Variants in MRTFB observed in about 807,000 individuals in gnomAD.
The protein encoded by MRTFB is myocardin related transcription factor B, also known as myocardin-related transcription factor B.
In MRTFB, 29 loss-of-function variants were observed where a neutral mutation model predicts 104.2. The ratio of observed to expected loss-of-function variants is 0.28; its 90% CI spans 0.21 to 0.38. The LOEUF is 0.38. MRTFB is among the 10% of genes least tolerant of loss of function. MRTFB has a pLI of 1.00. For missense variants in MRTFB, 1,270 were observed against 1,341.6 expected, an observed-to-expected ratio of 0.95 and a Z score of 0.83; for synonymous variants, 535 against 519.5, an observed-to-expected ratio of 1.03 and a Z score of -0.41.
At chr16:14,084,199 T>C (rs2034572203) in intron 2 of MRTFB, among the ~76,000 whole-genome samples, 1 of 152,226 alleles carries the variant, frequency 6.6e-6, no homozygotes, top group Admixed American at 6.5e-5. Flanking sequence ...TTTTCCTCCA[T>C]AGAGAACTCT....
chr16:14,174,814 G>T (rs183067872), intron 3 of MRTFB, among the ~76,000 whole-genome samples: 1 of 152,130 alleles, frequency 6.6e-6, no homozygotes, highest in Non-Finnish European at 1.5e-5. Context: ...AACCAAAATG[G>T]TATAGGCTTG....
chr16:14,236,145 CACTCCAGCCT>C (rs66562868), intron 9 of MRTFB, among the ~76,000 whole-genome samples: 20,653 of 152,106 alleles, frequency 0.14, 3,300 homozygotes, highest in African/African-American at 0.39. Context: ...CATGTGCCTG[CACTCCAGCCT>C]ACTCCAGCCT....
chr16:14,099,933 A>G (rs549943078), intron 2 of MRTFB, among the ~76,000 whole-genome samples: 1 of 152,130 alleles, frequency 6.6e-6, no homozygotes, highest in Non-Finnish European at 1.5e-5. Flanking sequence ...CCAAAGTGCT[A>G]GGATTACAGG....
chr16:14,160,714 G>A (rs1379701363), intron 3 of MRTFB, among the ~76,000 whole-genome samples: 1 of 151,956 alleles, frequency 6.6e-6, no homozygotes, highest in East Asian at 1.9e-4. Flanking sequence ...TTTTCAAAGG[G>A]AAGTATCACT....
At chr16:14,187,370 C>G (rs957157950) in intron 3 of MRTFB, among the ~76,000 whole-genome samples, 1 of 151,980 alleles carries the variant, frequency 6.6e-6, no homozygotes, top group African/African-American at 2.4e-5. Flanking sequence ...AGGCCATTTC[C>G]TTTTTTATGT....
chr16:14,089,520 C>A (rs2034924186), intron 2 of MRTFB, among the ~76,000 whole-genome samples: 1 of 152,170 alleles, frequency 6.6e-6, no homozygotes, highest in African/African-American at 2.4e-5. Context: ...TTGCTTATTT[C>A]TTCATCAGTT....
chr16:14,060,928 G>T, the MRTFB span, among the ~76,000 whole-genome samples: 3 of 152,020 alleles, frequency 2.0e-5, no homozygotes, highest in Admixed American at 1.3e-4. Context: ...GGGCAGATCA[G>T]GAGGTCAGGA....
Position 14,261,757 on chromosome 16 carries a change from T to G in MRTFB, c.*313T>G, listed in dbSNP as rs1185671285. ...GATAAAAACAAAGAAGAGTAATATATGCAGCACAGTGACGTTAGGATTCTG... is the reference window on the plus strand; with the variant it reads ...GATAAAAACAAAGAAGAGTAATATAGGCAGCACAGTGACGTTAGGATTCTG... On this transcript the variant is annotated 3_prime_UTR_variant, in exon 17 of 17. Transcript: ENST00000571589. 2.1e-5 allele frequency: 5 copies of G among 241,292 alleles called. No individual in the cohort carries two copies. Among genetic ancestry groups the G allele is most frequent in the Non-Finnish European group, 3.2e-5 (4 of 125,550 alleles). 14.9% of individuals were successfully genotyped at this position (241,292 alleles called of 1,614,324 possible). A position where few individuals can be genotyped will look rare whatever the true frequency, so the allele number is the denominator to read the frequency against.
At chr16:14,067,475 G>A (rs2033536691), upstream of MRTFB, among the ~76,000 whole-genome samples, 1 of 151,650 alleles carries the variant, frequency 6.6e-6, no homozygotes, top group Admixed American at 6.6e-5. Context: ...TGCACGCCTT[G>A]GCCTCCCAAA....
chr16:14,083,656 G>A (rs1230178417), intron 2 of MRTFB, among the ~76,000 whole-genome samples: 2 of 152,130 alleles, frequency 1.3e-5, no homozygotes, highest in African/African-American at 2.4e-5. Context: ...TGGGTGACGC[G>A]GGTAATGTAA....
chr16:14,064,685 A>T, the MRTFB span, among the ~76,000 whole-genome samples: 1 of 152,194 alleles, frequency 6.6e-6, no homozygotes, highest in Admixed American at 6.5e-5. Context: ...ATGGCTAGCC[A>T]GTTATCATGG....
At chr16:14,066,481 G>A (rs1318015217), upstream of MRTFB, among the ~76,000 whole-genome samples, 1 of 152,046 alleles carries the variant, frequency 6.6e-6, no homozygotes, top group Non-Finnish European at 1.5e-5. Flanking sequence ...CACCATGTTG[G>A]TCAGGCTGGT....
intron 5 of MRTFB, 115 bp from the exon 6 acceptor site, chr16:14,213,430 G>T: frequency 1.6e-6 from 1 of 630,606 alleles, no homozygotes; most frequent in Non-Finnish European, 2.6e-6. Flanking sequence ...TCTACTCTTC[G>T]TCTCAAACAC....
At chr16:14,174,451 G>A (rs1192151375) in intron 3 of MRTFB, among the ~76,000 whole-genome samples, 3 of 152,200 alleles carry the variant, frequency 2.0e-5, no homozygotes, top group African/African-American at 7.2e-5. Context: ...GGGAGGCTGA[G>A]GTAGGCGGAT....
At chr16:14,220,277 G>C (rs1024129053) in intron 8 of MRTFB, among the ~76,000 whole-genome samples, 1 of 152,330 alleles carries the variant, frequency 6.6e-6, no homozygotes. Context: ...AAGTATGCAA[G>C]TAGATACCAT....
chr16:14,264,628 T>C lies in MRTFB; in HGVS notation c.*3184T>C, dbSNP rs1177924601. On this transcript the variant is annotated 3_prime_UTR_variant, in exon 17 of 17. Coordinates refer to ENST00000571589, the MANE Select transcript of MRTFB (RefSeq NM_001308142.2). Reference sequence around the variant, plus strand: ...TTCTAAAAGAGATCTTATTTAAATTTCCTTTTTAAAAGCCGCATGGTTCTG... The same window carrying C: ...TTCTAAAAGAGATCTTATTTAAATTCCCTTTTTAAAAGCCGCATGGTTCTG... 6.6e-6 allele frequency: 1 copy of C among 152,260 alleles called. No homozygotes were observed. The highest frequency in any genetic ancestry group is 1.5e-5 in the Non-Finnish European group (1 of 68,056). 9.4% of individuals were successfully genotyped at this position (152,260 alleles called of 1,614,324 possible). A position where few individuals can be genotyped will look rare whatever the true frequency, so the allele number is the denominator to read the frequency against.
At chr16:14,004,109 TGAGCCCCAG>T in the MRTFB span, among the ~76,000 whole-genome samples, 2 of 152,178 alleles carry the variant, frequency 1.3e-5, no homozygotes, top group Admixed American at 1.3e-4. Flanking sequence ...CAGCAAGCCA[TGAGCCCCAG>T]GAGCTCCTTG....
At chr16:14,224,882 G>C (rs2041927876) in intron 8 of MRTFB, among the ~76,000 whole-genome samples, 1 of 152,124 alleles carries the variant, frequency 6.6e-6, no homozygotes, top group Admixed American at 6.6e-5. Context: ...GTAACTCAAA[G>C]CCATATGAAA....
rs564108060 is a variant in MRTFB at position 14,147,633 on chromosome 16, G to A, written c.154+6873G>A. 3.8e-4 allele frequency among the ~76,000 whole-genome samples: 58 copies of A among 152,238 alleles called. 1 individual carries two copies. The highest frequency in any genetic ancestry group is 1.3e-3 in the African/African-American group (56 of 41,540). On this transcript the variant is annotated intron_variant, in intron 3 of 16. Transcript: ENST00000571589. ...GCTGTGTGTGACTTTACCTTCTCCCGTTTGTAGCTGGCAGTGAGTTTGATC... is the reference window on the plus strand; with the variant it reads ...GCTGTGTGTGACTTTACCTTCTCCCATTTGTAGCTGGCAGTGAGTTTGATC...
Sources: allele counts gnomAD v4.1 joint callset (sites outside exome capture counted in the v4.1 genomes callset), GRCh38; gene constraint gnomAD v4.1.1; transcripts MANE v1.5; gene names NCBI Gene and HGNC (gene_info 2026-07-23, HGNC 2026-07-21).